Variants in GRM7 observed in about 807,000 individuals in gnomAD.
GRM7 encodes the protein glutamate metabotropic receptor 7, also known as metabotropic glutamate receptor 7.
Under a neutral mutation model 84.5 loss-of-function variants are expected in GRM7, and 35 were observed. The observed-to-expected ratio is 0.41, with a 90% CI of 0.32 to 0.55. GRM7 has a LOEUF of 0.55. GRM7 is among the 20% of genes least tolerant of loss of function. The pLI, the probability that GRM7 is intolerant of heterozygous loss-of-function variation, is 0.19. For missense variants in GRM7, 1,003 were observed against 1,194.6 expected, an observed-to-expected ratio of 0.84 and a Z score of 2.36; for synonymous variants, 487 against 455.1, an observed-to-expected ratio of 1.07 and a Z score of -0.89.
intron 1 of GRM7, among the ~76,000 whole-genome samples, chr3:7,080,929 T>C (rs1008788373): frequency 6.6e-6 from 1 of 152,074 alleles, no homozygotes; most frequent in African/African-American, 2.4e-5. Flanking sequence ...CATTCATTCA[T>C]TGTATAATGG....
chr3:7,354,032 G>C (rs867869827), intron 4 of GRM7, among the ~76,000 whole-genome samples: 2 of 152,084 alleles, frequency 1.3e-5, no homozygotes, highest in Non-Finnish European at 2.9e-5. Context: ...CATAAAAACA[G>C]AGAATTTTTA....
intron 1 of GRM7, among the ~76,000 whole-genome samples, chr3:6,995,313 G>A (rs1442102265): frequency 6.6e-6 from 1 of 152,198 alleles, no homozygotes; most frequent in African/African-American, 2.4e-5. Context: ...AGCTAGGGTA[G>A]CACAAATAAT....
At chr3:7,040,430 G>A (rs1696554641) in intron 1 of GRM7, among the ~76,000 whole-genome samples, 1 of 152,052 alleles carries the variant, frequency 6.6e-6, no homozygotes, top group Admixed American at 6.5e-5. Flanking sequence ...AGCCTTCCGA[G>A]TAGCTGGGAC....
At chr3:7,286,689 T>C (rs1699442783) in intron 2 of GRM7, among the ~76,000 whole-genome samples, 1 of 152,302 alleles carries the variant, frequency 6.6e-6, no homozygotes, top group African/African-American at 2.4e-5. Context: ...TGTGTCTCTT[T>C]CTAGAATTTA....
chr3:6,868,545 A>T (rs1362639444), intron 1 of GRM7, among the ~76,000 whole-genome samples: 1 of 152,174 alleles, frequency 6.6e-6, no homozygotes, highest in African/African-American at 2.4e-5. Context: ...TAGACTTTTC[A>T]TTCAAATAAA....
chr3:7,416,445 A>G (rs191083847), intron 5 of GRM7, among the ~76,000 whole-genome samples: 5 of 152,238 alleles, frequency 3.3e-5, no homozygotes, highest in African/African-American at 1.2e-4. Flanking sequence ...TCTCTTTGTA[A>G]TGTAGCTGTT....
intron 4 of GRM7, among the ~76,000 whole-genome samples, chr3:7,406,973 T>C (rs1695708881): frequency 6.6e-6 from 1 of 152,188 alleles, no homozygotes; most frequent in South Asian, 2.1e-4. Flanking sequence ...GGGATGTCAT[T>C]AATACAGCAT....
chr3:6,988,163 ATTTTTTTTT>A (rs760807880), intron 1 of GRM7, among the ~76,000 whole-genome samples: 3 of 95,284 alleles, frequency 3.1e-5, no homozygotes, highest in South Asian at 3.5e-4. Flanking sequence ...CGCCTGGCTA[ATTTTTTTTT>A]TTTTTTTTTT....
At chr3:7,046,593 A>C (rs563654203) in intron 1 of GRM7, among the ~76,000 whole-genome samples, 1 of 152,210 alleles carries the variant, frequency 6.6e-6, no homozygotes, top group African/African-American at 2.4e-5. Flanking sequence ...CAGGCTATTT[A>C]CAGGAGGCAT....
At chr3:6,887,123 C>T (rs1270829979) in intron 1 of GRM7, among the ~76,000 whole-genome samples, 2 of 151,866 alleles carry the variant, frequency 1.3e-5, no homozygotes, top group African/African-American at 4.8e-5. Flanking sequence ...GCCTTTCTCC[C>T]ACTGTTTAAA....
chr3:7,518,121 T>C (rs1700460437), intron 7 of GRM7, among the ~76,000 whole-genome samples: 1 of 152,188 alleles, frequency 6.6e-6, no homozygotes, highest in South Asian at 2.1e-4. Context: ...CCTGGACCTC[T>C]CTTGTAAGAA....
intron 8 of GRM7, among the ~76,000 whole-genome samples, chr3:7,600,169 TTTTG>T (rs146553379): frequency 0.011 from 1,612 of 152,208 alleles, 12 homozygotes; most frequent in Middle Eastern, 0.02. Flanking sequence ...CTTATTGTTT[TTTTG>T]TTTGTTTGTT....
chr3:7,115,692 T>G (rs1693007483), intron 1 of GRM7, among the ~76,000 whole-genome samples: 1 of 152,118 alleles, frequency 6.6e-6, no homozygotes, highest in South Asian at 2.1e-4. Flanking sequence ...ATCATCTAAT[T>G]AAATGACGCC....
intron 1 of GRM7, among the ~76,000 whole-genome samples, chr3:6,900,851 G>C (rs570539705): frequency 6.6e-6 from 1 of 152,124 alleles, no homozygotes; most frequent in East Asian, 1.9e-4. Context: ...AACACACCAC[G>C]ACCTAGCCCT....
At chr3:7,404,363 G>A (rs916635748) in intron 4 of GRM7, among the ~76,000 whole-genome samples, 5 of 152,168 alleles carry the variant, frequency 3.3e-5, no homozygotes, top group Admixed American at 2.6e-4. Context: ...GATTCTTGGT[G>A]ATTGGTTTAG....
chr3:7,210,788 C>T (rs575919944), intron 2 of GRM7, among the ~76,000 whole-genome samples: 1 of 127,984 alleles, frequency 7.8e-6, no homozygotes, highest in African/African-American at 2.9e-5. Flanking sequence ...CAATTATGAA[C>T]ATGCTGTGTA....
intron 2 of GRM7, among the ~76,000 whole-genome samples, chr3:7,174,437 C>T (rs1695079819): frequency 6.6e-6 from 1 of 152,210 alleles, no homozygotes. Context: ...TGCTAGGTTT[C>T]AATCCCAGCT....
At chr3:7,080,465 A>G (rs1698241051) in intron 1 of GRM7, among the ~76,000 whole-genome samples, 1 of 152,014 alleles carries the variant, frequency 6.6e-6, no homozygotes, top group Non-Finnish European at 1.5e-5. Flanking sequence ...CTTCAAAGTG[A>G]TAGGAAAAAG....
intron 2 of GRM7, among the ~76,000 whole-genome samples, chr3:7,225,853 A>G (rs1696966190): frequency 6.6e-6 from 1 of 152,090 alleles, no homozygotes; most frequent in African/African-American, 2.4e-5. Flanking sequence ...TACCTGGAAT[A>G]TCACCTCATT....
Sources: allele counts gnomAD v4.1 joint callset (sites outside exome capture counted in the v4.1 genomes callset), GRCh38; gene constraint gnomAD v4.1.1; transcripts MANE v1.5; gene names NCBI Gene and HGNC (gene_info 2026-07-23, HGNC 2026-07-21).